PKHD1: variants seen among roughly 807,000 people sequenced by gnomAD.
The protein encoded by PKHD1 is fibrocystin.
Under a neutral mutation model 412.0 loss-of-function variants are expected in PKHD1, and 291 were observed. That is an observed-to-expected ratio of 0.71 (90% CI 0.64 to 0.78). The LOEUF is 0.78. Among genes scored for constraint, PKHD1 ranks in the 30% least tolerant of loss-of-function variants. PKHD1 has a pLI of 0.00. For synonymous variants in PKHD1, 1,777 were observed against 1,821.5 expected, an observed-to-expected ratio of 0.98 and a Z score of 0.62; for missense variants, 4,825 against 4,950.7, an observed-to-expected ratio of 0.97 and a Z score of 0.76.
chr6:51,850,588 C>T (rs1772032525), intron 49 of PKHD1, among the ~76,000 whole-genome samples: 1 of 152,160 alleles, frequency 6.6e-6, no homozygotes, highest in Admixed American at 6.5e-5. Context: ...GTTTGTAGTT[C>T]TCCTTGAAGA....
At chr6:51,801,119 CA>C (rs1475150639) in intron 52 of PKHD1, among the ~76,000 whole-genome samples, 1 of 152,138 alleles carries the variant, frequency 6.6e-6, no homozygotes, top group Non-Finnish European at 1.5e-5. Context: ...ACATTTTACA[CA>C]ATGATTGGTG....
In PKHD1 at chr6:51,618,373, C is replaced by A. The variant is rs1392761973; in HGVS notation, c.*708G>T. On this transcript the variant is annotated 3_prime_UTR_variant, in exon 67 of 67. Coordinates refer to ENST00000371117, the MANE Select transcript of PKHD1 (RefSeq NM_138694.4). ...AGTGGTCATACAAAATTTCCTTTCC[C>A]AAATTTGGCATTTTTACATCTTTGT... The A allele has an allele frequency of 6.6e-6, 1 of 152,082 alleles. No homozygotes were observed. The highest frequency in any genetic ancestry group is 1.5e-5 in the Non-Finnish European group (1 of 68,096). The allele number at this position is 152,082 out of a possible 1,614,324, so 9.4% of individuals were successfully genotyped here. A position where few individuals can be genotyped will look rare whatever the true frequency, so the allele number is the denominator to read the frequency against.
chr6:51,637,985 C>T (rs1005171871), intron 64 of PKHD1, among the ~76,000 whole-genome samples: 1 of 152,118 alleles, frequency 6.6e-6, no homozygotes, highest in Non-Finnish European at 1.5e-5. Context: ...CATACTGGAA[C>T]ATTTTCAAAA....
At chr6:51,831,735 C>T (rs1768290376) in intron 51 of PKHD1, among the ~76,000 whole-genome samples, 1 of 152,148 alleles carries the variant, frequency 6.6e-6, no homozygotes, top group Admixed American at 6.6e-5. Context: ...TGGTAACTTA[C>T]AGACAGATCA....
intron 41 of PKHD1, among the ~76,000 whole-genome samples, chr6:51,905,518 G>A (rs1781943761): frequency 1.3e-5 from 2 of 152,260 alleles, no homozygotes; most frequent in Non-Finnish European, 1.5e-5. Flanking sequence ...AGGAAAAAGT[G>A]TGGTCTTTTG....
Position 51,941,687 on chromosome 6 carries a change from G to A in PKHD1, c.5909-7365C>T, listed in dbSNP as rs553751607. Among the ~76,000 whole-genome samples the A allele has an allele frequency of 6.2e-4, 92 of 148,920 alleles. 1 individual carries two copies. Among genetic ancestry groups the A allele is most frequent in the Admixed American group, 9.4e-4 (14 of 14,882 alleles). ...CCAAATTGTTTTGCCTATCCACCCC[G>A]TGGTGCCAAACCCATATACTCTCCT... On this transcript the variant is annotated intron_variant, in intron 36 of 66. Transcript: ENST00000371117.
intron 58 of PKHD1, among the ~76,000 whole-genome samples, chr6:51,747,442 T>G (rs1785342726): frequency 6.6e-6 from 1 of 152,188 alleles, no homozygotes; most frequent in Admixed American, 6.5e-5. Context: ...TGGTGGCTTA[T>G]GCCTGTAATC....
At chr6:51,837,101 C>T (rs1380832348) in intron 50 of PKHD1, among the ~76,000 whole-genome samples, 1 of 152,188 alleles carries the variant, frequency 6.6e-6, no homozygotes, top group Non-Finnish European at 1.5e-5. Flanking sequence ...GGAACATATG[C>T]TCCTTTGCCA....
intron 60 of PKHD1, chr6:51,721,998 C>A: frequency 6.2e-7 from 1 of 1,613,660 alleles, no homozygotes; most frequent in East Asian, 2.2e-5. Flanking sequence ...ATTCTGAAAT[C>A]TTCAAAGCCT....
intron 52 of PKHD1, among the ~76,000 whole-genome samples, chr6:51,793,429 C>T (rs1325783889): frequency 1.3e-5 from 2 of 152,126 alleles, no homozygotes; most frequent in Non-Finnish European, 2.9e-5. Flanking sequence ...ACTTGTGCCA[C>T]GGTGGCCTGC....
chr6:51,682,247 G>A (rs1400333023), intron 60 of PKHD1: 2 of 455,038 alleles, frequency 4.4e-6, no homozygotes, highest in East Asian at 7.0e-5. Flanking sequence ...AGGAGACCTA[G>A]GATGAAAACA....
chr6:51,880,766 T>TAA (rs1170519643), intron 46 of PKHD1, among the ~76,000 whole-genome samples: 1 of 19,378 alleles, frequency 5.2e-5, no homozygotes. Flanking sequence ...TAGAGTATAA[T>TAA]AAAAAAAAAA....
Position 51,912,527 on chromosome 6 carries a change from G to A in PKHD1, c.6171C>T (p.Ala2057=). Residue 2057 remains alanine (A), a synonymous_variant, in exon 38 of 67, where the codon GCC becomes GCT. Transcript: ENST00000371117. Reference sequence around the variant, plus strand: ...CTTCTAAAGCCAGCACTGTGTCTAGGGCATGGGCAGTTGCTCTAAGACAGG... The same window carrying A: ...CTTCTAAAGCCAGCACTGTGTCTAGAGCATGGGCAGTTGCTCTAAGACAGG... ...IVTCLRATAH[A]LDTVLALEDA... 1 of 1,613,248 alleles carries A rather than the reference G, an allele frequency of 6.2e-7. No individual in the cohort carries two copies. Among genetic ancestry groups the A allele is most frequent in the Non-Finnish European group, 8.5e-7 (1 of 1,179,420 alleles).
At chr6:51,925,501 A>C (rs2127731527) in intron 37 of PKHD1, among the ~76,000 whole-genome samples, 1 of 151,872 alleles carries the variant, frequency 6.6e-6, no homozygotes, top group South Asian at 2.1e-4. Context: ...AACGTAATTA[A>C]CATCTGAATC....
In PKHD1 at chr6:51,753,236, C is replaced by A. The variant is rs755077447; in HGVS notation, c.8915G>T (p.Gly2972Val). 3 of 1,613,742 alleles carry A rather than the reference C, an allele frequency of 1.9e-6. No homozygotes were observed. The South Asian group carries it at 3.3e-5, about 18-fold the overall frequency. Reference sequence around the variant, plus strand: ...TTCTCGGCTGGACTTCCTGAAGGACCCCACAAACAGTCTCCCCCTACATGA... The same window carrying A: ...TTCTCGGCTGGACTTCCTGAAGGACACCACAAACAGTCTCCCCCTACATGA... ...DVSCRGRLFV[G>V]SFRKSSREEF... The change falls in exon 57 of 67, where the codon GGG becomes GTG. Residue 2972 changes from glycine to valine, a missense_variant. Coordinates refer to ENST00000371117, the MANE Select transcript of PKHD1 (RefSeq NM_138694.4).
chr6:51,664,591 C>A (rs1191242687), intron 60 of PKHD1, among the ~76,000 whole-genome samples: 1 of 152,194 alleles, frequency 6.6e-6, no homozygotes, highest in Non-Finnish European at 1.5e-5. Context: ...ATTCCTTGTG[C>A]ATGCAGTAAG....
At chr6:51,721,962 T>C in intron 60 of PKHD1, 1 of 1,613,446 alleles carries the variant, frequency 6.2e-7, no homozygotes, top group Non-Finnish European at 8.5e-7. Flanking sequence ...TCTTTCAAAG[T>C]TCAGCTTCCT....
chr6:51,638,665 G>A (rs1273569012), intron 64 of PKHD1, among the ~76,000 whole-genome samples, 184 bp downstream of exon 64: 1 of 152,074 alleles, frequency 6.6e-6, no homozygotes, highest in Non-Finnish European at 1.5e-5. Flanking sequence ...AGTAACCTGA[G>A]GTTTCCATTT....
At position 51,656,518 on chromosome 6, in the gene PKHD1, T is replaced by A. The variant is rs553138444; in HGVS notation, c.11174+2434A>T. Among the ~76,000 whole-genome samples, 8 of 152,172 alleles carry A rather than the reference T, an allele frequency of 5.3e-5. No individual in the cohort carries two copies. In the South Asian group the frequency reaches 1.7e-3, roughly 32 times the overall value. On this transcript the variant is annotated intron_variant, in intron 61 of 66. Transcript: ENST00000371117. ...AGTTGGAAAACATGGTGATGGAAAC[T>A]TAGCTAAGCAGAGGATGCTTGAATC...
Sources: allele counts gnomAD v4.1 joint callset (sites outside exome capture counted in the v4.1 genomes callset), GRCh38; gene constraint gnomAD v4.1.1; transcripts MANE v1.5; gene names NCBI Gene and HGNC (gene_info 2026-07-23, HGNC 2026-07-21).